GOLGA4: variants seen among roughly 807,000 people sequenced by gnomAD.
The protein encoded by GOLGA4 is golgin subfamily A member 4.
In GOLGA4, 169 loss-of-function variants were observed where a neutral mutation model predicts 265.9. That is an observed-to-expected ratio of 0.64 (90% CI 0.56 to 0.72). The LOEUF is 0.72. GOLGA4 is among the 30% of genes least tolerant of loss of function. The probability of loss-of-function intolerance (pLI) is 0.00; values close to 1 mark genes in which losing one functional copy is unlikely to be tolerated. For synonymous variants in GOLGA4, 923 were observed against 855.8 expected, an observed-to-expected ratio of 1.08 and a Z score of -1.37; for missense variants, 2,482 against 2,483.4, an observed-to-expected ratio of 1.00 and a Z score of 0.01.
chr3:37,327,461 C>T lies in GOLGA4; in HGVS notation c.5575C>T (p.Leu1859=), dbSNP rs1357599710. ...GATTTTGGAGCAAAAGATAAAAGAG[C>T]TGGATTCCTGCTTAGTAAGACAGAA... ...CQILEQKIKE[L]DSCLVRQKEV... is the part of the protein sequence containing the mutation. Residue 1859 remains leucine, a synonymous_variant, in exon 14 of 24, where the codon CTG becomes TTG. Coordinates refer to ENST00000361924, the MANE Select transcript of GOLGA4 (RefSeq NM_002078.5). 1.2e-6 allele frequency: 2 copies of T among 1,612,910 alleles called. No individual in the cohort carries two copies. The highest frequency in any genetic ancestry group is 3.3e-5 in the Admixed American group (2 of 59,750).
At position 37,324,486 on chromosome 3, in the gene GOLGA4, T is replaced by C. The variant is rs748960204; in HGVS notation, c.2600T>C (p.Met867Thr). 16 of 1,613,932 alleles carry C rather than the reference T, an allele frequency of 9.9e-6. No homozygotes were observed. In the African/African-American group the frequency reaches 1.5e-4, roughly 15 times the overall value. ...DAHKIQVQDLMQQLEKQNSEM... is the reference protein window; with the variant it reads ...DAHKIQVQDLTQQLEKQNSEM... The stretch of plus-strand genomic sequence containing the variant: ...CACAAAATCCAGGTGCAGGACTTAA[T>C]GCAGCAACTTGAAAAACAAAATAGT... Residue 867 changes from methionine (M) to threonine (T), a missense_variant, in exon 14 of 24, where the codon ATG (methionine) becomes ACG (threonine). Coordinates refer to ENST00000361924, the MANE Select transcript of GOLGA4 (RefSeq NM_002078.5).
chr3:37,324,567 A>G lies in GOLGA4; in HGVS notation c.2681A>G (p.Asp894Gly). 6.2e-7 allele frequency: 1 copy of G among 1,614,012 alleles called. No homozygotes were observed. The highest frequency in any genetic ancestry group is 8.5e-7 in the Non-Finnish European group (1 of 1,179,950). The stretch of plus-strand genomic sequence containing the variant: ...CAAGTCTATGAGTCCAAACTTGAAG[A>G]TGGTAACAAAGAACAGGAACAGACA... ...LTQVYESKLE[D>G]GNKEQEQTKQ... is the part of the protein sequence containing the mutation. Residue 894 changes from aspartate (D) to glycine (G), a missense_variant, in exon 14 of 24, where the codon GAT (aspartate) becomes GGT (glycine). By Grantham distance (94) the Asp-to-Gly change is moderately conservative (BLOSUM62 -1). Transcript: ENST00000361924.
chr3:37,359,054 G>T (rs777836932), intron 22 of GOLGA4, among the ~76,000 whole-genome samples: 25 of 152,218 alleles, frequency 1.6e-4, no homozygotes, highest in Non-Finnish European at 3.1e-4. Flanking sequence ...ACAGCAGGCA[G>T]AAGTTAAAAC....
Position 37,366,197 on chromosome 3 carries a change from C to A in GOLGA4, c.*151C>A. On this transcript the variant is annotated 3_prime_UTR_variant, in exon 24 of 24. Coordinates refer to ENST00000361924, the MANE Select transcript of GOLGA4 (RefSeq NM_002078.5). ...TGTCATTCAGGGCCCCTCATGTAGC[C>A]AAAAGACCAAGAAAAATCTGGCCCA... 3.1e-6 allele frequency: 3 copies of A among 955,350 alleles called. No homozygotes were observed. Among genetic ancestry groups the A allele is most frequent in the South Asian group, 2.1e-5 (1 of 48,260 alleles). The allele number at this position is 955,350 out of a possible 1,614,324, so 59.2% of individuals were successfully genotyped here. A position where few individuals can be genotyped will look rare whatever the true frequency, so the allele number is the denominator to read the frequency against.
At chr3:37,330,905 T>G (rs1401689288) in intron 16 of GOLGA4, among the ~76,000 whole-genome samples, 1 of 151,978 alleles carries the variant, frequency 6.6e-6, no homozygotes, top group East Asian at 1.9e-4. Flanking sequence ...GGCATGTGCT[T>G]GTAATCCCAG....
At position 37,327,142 on chromosome 3, in the gene GOLGA4, G is replaced by A. The variant is rs576032588; in HGVS notation, c.5256G>A (p.Leu1752=). 10 of 1,613,732 alleles carry A rather than the reference G, an allele frequency of 6.2e-6. 1 individual carries two copies. The South Asian group carries it at 1.1e-4, about 18-fold the overall frequency. ...QRNLTEKEKL[L]QRVGQEKEET... ...ACTTAACTGAAAAAGAAAAGCTATT[G>A]CAGAGGGTAGGGCAGGAAAAAGAAG... is the stretch of plus-strand genomic sequence containing the variant. The change falls in exon 14 of 24, where the codon TTG becomes TTA. Residue 1752 remains leucine, a synonymous_variant. Transcript: ENST00000361924.
chr3:37,251,495 A>C lies in GOLGA4; in HGVS notation c.162+11A>C, dbSNP rs1383326198. 6.6e-7 allele frequency: 1 copy of C among 1,517,294 alleles called. No individual in the cohort carries two copies. Among genetic ancestry groups the C allele is most frequent in the Middle Eastern group, 1.7e-4 (1 of 5,876 alleles). 94.0% of individuals were successfully genotyped at this position (1,517,294 alleles called of 1,614,324 possible). A position where few individuals can be genotyped will look rare whatever the true frequency, so the allele number is the denominator to read the frequency against. On this transcript the variant is annotated intron_variant, in intron 2 of 23. Coordinates refer to ENST00000361924, the MANE Select transcript of GOLGA4 (RefSeq NM_002078.5). The stretch of plus-strand genomic sequence containing the variant: ...ACACCCAATAGAGAGGTAAGTTTGG[A>C]ATTCCTTTTCTAGTATACCTCTCAA...
chr3:37,276,832 A>G (rs2096820707), intron 2 of GOLGA4, among the ~76,000 whole-genome samples: 1 of 152,202 alleles, frequency 6.6e-6, no homozygotes, highest in Non-Finnish European at 1.5e-5. Context: ...TTCTGTTTTT[A>G]TAAGTAAGTT....
At chr3:37,328,239 C>T (rs998544710) in intron 14 of GOLGA4, among the ~76,000 whole-genome samples, 177 bp from the exon 15 acceptor site, 4 of 132,980 alleles carry the variant, frequency 3.0e-5, no homozygotes, top group Non-Finnish European at 6.7e-5. Context: ...CCTGGACACA[C>T]ACACACACAC....
intron 18 of GOLGA4, 126 bp from the exon 19 acceptor site, chr3:37,337,540 T>G (rs1046755134): frequency 3.0e-6 from 2 of 668,314 alleles, no homozygotes; most frequent in South Asian, 1.8e-5. Context: ...TCATGCATTT[T>G]AGGGGTATTC....
chr3:37,327,140 T>C lies in GOLGA4; in HGVS notation c.5254T>C (p.Leu1752=). ...AAACTTAACTGAAAAAGAAAAGCTA[T>C]TGCAGAGGGTAGGGCAGGAAAAAGA... ...QRNLTEKEKL[L]QRVGQEKEET... Residue 1752 remains leucine, a synonymous_variant, in exon 14 of 24, where the codon TTG becomes CTG. Coordinates refer to ENST00000361924, the MANE Select transcript of GOLGA4 (RefSeq NM_002078.5). 1 of 1,613,730 alleles carries C rather than the reference T, an allele frequency of 6.2e-7. No homozygotes were observed. The highest frequency in any genetic ancestry group is 8.5e-7 in the Non-Finnish European group (1 of 1,179,800).
At position 37,328,981 on chromosome 3, in the gene GOLGA4, A is replaced by G; in HGVS notation, c.6080A>G (p.Glu2027Gly). The change falls in exon 16 of 24, where the codon GAG (glutamate) becomes GGG (glycine). Residue 2027 changes from glutamate to glycine, a missense_variant. Glu to Gly is a moderately conservative substitution (Grantham distance 98, BLOSUM62 -2). Around this residue, in one of 3 missense-constraint regions of GOLGA4, gnomAD observed 942 missense variants for 983.1 expected, o/e 0.96. Transcript: ENST00000361924. ...KETINKAQEV[E>G]AELLESHQEE... ...TTATTAGATAAGGCCCAGGAGGTGG[A>G]GGCTGAACTTTTAGAAAGCCATCAA... 6.2e-7 allele frequency: 1 copy of G among 1,606,762 alleles called. No individual in the cohort carries two copies. Among genetic ancestry groups the G allele is most frequent in the Non-Finnish European group, 8.5e-7 (1 of 1,177,236 alleles).
intron 16 of GOLGA4, among the ~76,000 whole-genome samples, chr3:37,334,369 AT>A (rs1186129570): frequency 1.3e-5 from 2 of 149,492 alleles, no homozygotes; most frequent in South Asian, 2.1e-4. Context: ...ACAGTAACTC[AT>A]TTTTTTTTTC....
intron 16 of GOLGA4, among the ~76,000 whole-genome samples, chr3:37,331,396 C>T (rs901862390): frequency 6.6e-6 from 1 of 152,104 alleles, no homozygotes; most frequent in Non-Finnish European, 1.5e-5. Context: ...AGCCAGTCCC[C>T]ATCCAGACAT....
intron 2 of GOLGA4, among the ~76,000 whole-genome samples, chr3:37,274,795 C>A (rs2096809579): frequency 6.6e-6 from 1 of 151,888 alleles, no homozygotes; most frequent in Non-Finnish European, 1.5e-5. Context: ...CTTAGTAGTC[C>A]CTAATGTAAA....
chr3:37,294,756 A>C (rs1294047235), intron 5 of GOLGA4, among the ~76,000 whole-genome samples: 1 of 152,112 alleles, frequency 6.6e-6, no homozygotes, highest in Non-Finnish European at 1.5e-5. Context: ...TGGAAAGTAC[A>C]CTTTTTTCTT....
At chr3:37,256,132 T>C (rs917197033) in intron 2 of GOLGA4, among the ~76,000 whole-genome samples, 3 of 152,142 alleles carry the variant, frequency 2.0e-5, no homozygotes, top group Non-Finnish European at 2.9e-5. Flanking sequence ...TTCACACTGC[T>C]CTACTGTTCT....
chr3:37,314,642 A>AACACACACACACACACACACAC (rs60890140), intron 10 of GOLGA4, among the ~76,000 whole-genome samples: 30 of 139,054 alleles, frequency 2.2e-4, no homozygotes, highest in African/African-American at 3.5e-4. Flanking sequence ...CTCCGTCTCA[A>AACACACACACACACACACACAC]ACACACACAC....
intron 23 of GOLGA4, among the ~76,000 whole-genome samples, chr3:37,361,931 G>A (rs992689587): frequency 1.3e-5 from 2 of 152,150 alleles, no homozygotes; most frequent in African/African-American, 4.8e-5. Context: ...ATGTTTCAAC[G>A]CAGTTGACTG....
Sources: gnomAD v4.1 joint callset for allele counts (sites outside exome capture counted in the v4.1 genomes callset) on GRCh38, gnomAD v4.1.1 for gene constraint, gnomAD v4.1.1 regional missense constraint, MANE v1.5 for transcripts, NCBI Gene and HGNC (gene_info 2026-07-23, HGNC 2026-07-21) for gene names.